The following MTBP variants were observed in gnomAD, a reference collection of about 807,000 sequenced individuals.
MTBP encodes MDM2 binding protein, also known as mdm2-binding protein.
MTBP carries 101 observed loss-of-function variants against 117.0 expected under a neutral mutation model. That is an observed-to-expected ratio of 0.86 (90% confidence interval 0.73 to 1.02). The LOEUF (loss-of-function observed/expected upper bound fraction) is 1.02, where lower values mean the gene tolerates loss of function less well. MTBP is among the 50% of genes least tolerant of loss of function. MTBP has a pLI of 0.00. For missense variants in MTBP, 970 were observed against 1,030.9 expected, an observed-to-expected ratio of 0.94 and a Z score of 0.81; for synonymous variants, 350 against 351.5, an observed-to-expected ratio of 1.00 and a Z score of 0.05.
Position 120,516,008 on chromosome 8 carries a change from A to C in MTBP, c.2063A>C (p.Gln688Pro). The change falls in exon 18 of 22, where the codon CAA becomes CCA. Residue 688 changes from glutamine to proline, a missense_variant. Physicochemically the swap from Gln to Pro is moderately conservative, Grantham distance 76 (BLOSUM62 -1). Transcript: ENST00000305949. ...LQSRLIRYET[Q>P]TTCTRESFPV... Reference sequence around the variant, plus strand: ...TCTCGTCTTATTCGTTATGAAACTCAAACTACCTGCACCAGAGAAAGTTTT... The same window carrying C: ...TCTCGTCTTATTCGTTATGAAACTCCAACTACCTGCACCAGAGAAAGTTTT... The C allele has an allele frequency of 6.2e-7, 1 of 1,613,138 alleles. No homozygotes were observed. Among genetic ancestry groups the C allele is most frequent in the Non-Finnish European group, 8.5e-7 (1 of 1,179,292 alleles).
intron 11 of MTBP, among the ~76,000 whole-genome samples, chr8:120,479,396 A>G (rs1814022842): frequency 1.3e-5 from 2 of 152,244 alleles, no homozygotes; most frequent in Admixed American, 1.3e-4. Flanking sequence ...TTTTACTGAC[A>G]GAGACAAAGT....
At chr8:120,462,309 G>A (rs946781322) in intron 9 of MTBP, among the ~76,000 whole-genome samples, 6 of 152,148 alleles carry the variant, frequency 3.9e-5, no homozygotes, top group Non-Finnish European at 7.4e-5. Context: ...AAAAGTACAC[G>A]ATGTGTTAAA....
At chr8:120,468,552 G>T (rs1443489585) in intron 10 of MTBP, among the ~76,000 whole-genome samples, 2 of 152,182 alleles carry the variant, frequency 1.3e-5, no homozygotes, top group Non-Finnish European at 2.9e-5. Flanking sequence ...CAGTCAGTTG[G>T]TGAGAGGTCA....
At chr8:120,511,130 T>G (rs959930370) in intron 17 of MTBP, among the ~76,000 whole-genome samples, 20 of 152,334 alleles carry the variant, frequency 1.3e-4, no homozygotes, top group Non-Finnish European at 2.8e-4. Context: ...ATCCATGTTT[T>G]TAGTTCTGCT....
At chr8:120,453,311 G>T (rs1464374125) in intron 4 of MTBP, among the ~76,000 whole-genome samples, 1 of 152,042 alleles carries the variant, frequency 6.6e-6, no homozygotes, top group African/African-American at 2.4e-5. Context: ...GGTGGTGTGT[G>T]CTTGTAGTCC....
At chr8:120,518,926 C>A in intron 20 of MTBP, 109 bp downstream of exon 20, 3 of 591,718 alleles carry the variant, frequency 5.1e-6, no homozygotes, top group Non-Finnish European at 8.7e-6. Flanking sequence ...ATACTTGCTG[C>A]CAGATTTATT....
intron 19 of MTBP, 83 bp downstream of exon 19, chr8:120,518,183 A>T: frequency 2.9e-6 from 4 of 1,399,696 alleles, no homozygotes; most frequent in Non-Finnish European, 3.8e-6. Flanking sequence ...TGTCTAAAAA[A>T]TTTTATGAAT....
intron 13 of MTBP, among the ~76,000 whole-genome samples, chr8:120,490,915 C>T (rs114046137): frequency 2.2e-4 from 33 of 151,904 alleles, no homozygotes; most frequent in Admixed American, 1.5e-3. Context: ...ATTTTTGTAG[C>T]GGAAGTTGGG....
rs980533802 is a variant in MTBP at position 120,523,468 on chromosome 8, T to G, written c.*132T>G. 4.2e-6 allele frequency: 2 copies of G among 475,952 alleles called. No homozygotes were observed. The highest frequency in any genetic ancestry group is 4.1e-5 in the African/African-American group (2 of 49,310). The allele number at this position is 475,952 out of a possible 1,614,324, so 29.5% of individuals were successfully genotyped here. On this transcript the variant is annotated 3_prime_UTR_variant, in exon 22 of 22. Coordinates refer to ENST00000305949, the MANE Select transcript of MTBP (RefSeq NM_022045.5). ...AATAGATGTTATATTTCTAAAGAAT[T>G]TCATGAATATATATTCTATATTTGT...
intron 11 of MTBP, among the ~76,000 whole-genome samples, chr8:120,484,810 T>C (rs1373747973): frequency 6.6e-6 from 1 of 152,162 alleles, no homozygotes; most frequent in Non-Finnish European, 1.5e-5. Context: ...ATTGCGCATT[T>C]CCACCACCCA....
intron 17 of MTBP, among the ~76,000 whole-genome samples, chr8:120,512,163 G>A (rs1277209390): frequency 6.6e-6 from 1 of 152,110 alleles, no homozygotes; most frequent in Non-Finnish European, 1.5e-5. Flanking sequence ...CCAGTCAACA[G>A]TGTTTATATT....
In MTBP at chr8:120,518,811, T is replaced by G. The variant is rs1814965939; in HGVS notation, c.2604T>G (p.Tyr868Ter). 1 of 1,607,400 alleles carries G rather than the reference T, an allele frequency of 6.2e-7. No homozygotes were observed. Among genetic ancestry groups the G allele is most frequent in the African/African-American group, 1.3e-5 (1 of 74,644 alleles). ...GTCTCTTTGAAATCTCTAAGTTCTA[T>G]CTAAAGGTACGGTATCTTCTCTACT... is the stretch of plus-strand genomic sequence containing the variant. Reference protein sequence around the residue: ...SQRLFEISKFYLKDLKTSRGL... With the variant: ...SQRLFEISKF Residue 868 changes from tyrosine (Y) to a stop codon, truncating the protein, a stop_gained, in exon 20 of 22, where the codon TAT becomes TAG. Transcript: ENST00000305949. LOFTEE classifies it high-confidence loss of function.
intron 2 of MTBP, 51 bp downstream of exon 2, chr8:120,446,564 T>C: frequency 1.8e-6 from 2 of 1,105,452 alleles, no homozygotes; most frequent in South Asian, 2.5e-5. Flanking sequence ...GTACTGGAAA[T>C]TAACTTAATT....
At chr8:120,491,139 C>G (rs940947507) in intron 13 of MTBP, among the ~76,000 whole-genome samples, 2 of 151,942 alleles carry the variant, frequency 1.3e-5, no homozygotes, top group South Asian at 2.1e-4. Context: ...TTTTTTAATA[C>G]AAATTTTAAG....
At chr8:120,489,148 C>T (rs1814286761) in intron 12 of MTBP, among the ~76,000 whole-genome samples, 1 of 151,318 alleles carries the variant, frequency 6.6e-6, no homozygotes, top group Admixed American at 6.6e-5. Context: ...GAGCAATTCT[C>T]CTGCCTCAGC....
At chr8:120,453,141 T>G (rs1394837747) in intron 4 of MTBP, among the ~76,000 whole-genome samples, 1 of 152,156 alleles carries the variant, frequency 6.6e-6, no homozygotes, top group African/African-American at 2.4e-5. Context: ...ACACTTAGCA[T>G]TTTCTTACTT....
At chr8:120,509,354 C>T (rs946015276) in intron 16 of MTBP, among the ~76,000 whole-genome samples, 1 of 152,182 alleles carries the variant, frequency 6.6e-6, no homozygotes. Context: ...GTAATCCTAA[C>T]ACTTTGGGAG....
intron 12 of MTBP, 53 bp from the exon 13 acceptor site, chr8:120,490,410 T>G: frequency 5.4e-6 from 6 of 1,120,302 alleles, no homozygotes; most frequent in Non-Finnish European, 8.0e-6. Context: ...TGAGTACTAA[T>G]TGTTGGCAAA....
At chr8:120,460,629 A>G (rs1586942068) in intron 8 of MTBP, among the ~76,000 whole-genome samples, 2 of 152,184 alleles carry the variant, frequency 1.3e-5, no homozygotes, top group Middle Eastern at 6.8e-3. Flanking sequence ...TTCTGAATGG[A>G]GCTTTCTATG....
Sources: allele counts gnomAD v4.1 joint callset (sites outside exome capture counted in the v4.1 genomes callset), GRCh38; gene constraint gnomAD v4.1.1; transcripts MANE v1.5; gene names NCBI Gene and HGNC (gene_info 2026-07-23, HGNC 2026-07-21).